Variants in RYR2 observed in about 807,000 individuals in gnomAD.
The protein encoded by RYR2 is cardiac muscle ryanodine receptor-calcium release channel.
A neutral mutation model predicts 601.1 loss-of-function variants in RYR2; 227 were observed. The observed-to-expected ratio is 0.38, with a 90% CI of 0.34 to 0.42. The LOEUF is 0.42. Ranked by LOEUF, RYR2 falls within the 10% of genes least tolerant of loss-of-function variation. The pLI is 1.00. For missense variants in RYR2, 4,646 were observed against 6,156.5 expected (o/e 0.75, Z 8.21); for synonymous variants, 2,223 against 2,175.1 (o/e 1.02, Z -0.61).
intron 12 of RYR2, among the ~76,000 whole-genome samples, chr1:237,438,426 A>G (rs1707599974): frequency 6.6e-6 from 1 of 152,150 alleles, no homozygotes; most frequent in Non-Finnish European, 1.5e-5. Flanking sequence ...TCTGAATTTC[A>G]AGTTTTTTTC....
intron 80 of RYR2, among the ~76,000 whole-genome samples, chr1:237,752,177 G>A (rs1225833882): frequency 6.6e-6 from 1 of 152,132 alleles, no homozygotes; most frequent in African/African-American, 2.4e-5. Flanking sequence ...GATCTTCTAG[G>A]AAACTTCATG....
chr1:237,490,184 G>A (rs115546154), intron 17 of RYR2, among the ~76,000 whole-genome samples: 2 of 152,144 alleles, frequency 1.3e-5, no homozygotes. Flanking sequence ...CTAAGTGGGA[G>A]GAAGGGGGAT....
rs1364773484 is a variant in RYR2, at chr1:237,793,863, G to A, written c.13783-4G>A. ...ATTTTAACGTATTTATTTTTCCTATGTAGGTCCCATTGGTTATTTTTAAGC... is the reference window on the plus strand; with the variant it reads ...ATTTTAACGTATTTATTTTTCCTATATAGGTCCCATTGGTTATTTTTAAGC... On this transcript the variant is annotated splice_region_variant and splice_polypyrimidine_tract_variant and intron_variant, in intron 94 of 104. Coordinates refer to ENST00000366574, the MANE Select transcript of RYR2 (RefSeq NM_001035.3). The A allele has an allele frequency of 5.0e-6, 8 of 1,601,954 alleles. No homozygotes were observed. The Admixed American group carries it at 8.4e-5, about 17-fold the overall frequency.
intron 56 of RYR2, 31 bp downstream of exon 56, chr1:237,660,978 G>A (rs1683730088): frequency 1.5e-6 from 2 of 1,317,340 alleles, no homozygotes; most frequent in Non-Finnish European, 2.0e-6. Flanking sequence ...TGAATCAACT[G>A]TTTATGTTAT....
intron 1 of RYR2, among the ~76,000 whole-genome samples, chr1:237,232,275 C>T (rs189723964): frequency 4.3e-4 from 65 of 152,224 alleles, no homozygotes; most frequent in Admixed American, 3.1e-3. Flanking sequence ...CCCAACACCC[C>T]GGGGAGGGGG....
intron 1 of RYR2, among the ~76,000 whole-genome samples, chr1:237,153,413 T>C (rs530891244): frequency 9.9e-5 from 15 of 152,262 alleles, no homozygotes; most frequent in African/African-American, 3.6e-4. Context: ...CTGTTCTGTG[T>C]GTGTGTGTTT....
At chr1:237,369,687 A>G in intron 6 of RYR2, 79 bp downstream of exon 6, 1 of 1,130,232 alleles carries the variant, frequency 8.8e-7, no homozygotes, top group Non-Finnish European at 1.3e-6. Context: ...TGCTGGTAGC[A>G]TCATTTCTGC....
intron 1 of RYR2, among the ~76,000 whole-genome samples, chr1:237,220,175 G>A (rs1329739792): frequency 1.3e-5 from 2 of 152,166 alleles, no homozygotes; most frequent in African/African-American, 2.4e-5. Flanking sequence ...GAGAGTCAGA[G>A]GACTCTCAAT....
chr1:237,395,826 A>G (rs912176928), intron 10 of RYR2, among the ~76,000 whole-genome samples: 18 of 152,030 alleles, frequency 1.2e-4, no homozygotes, highest in African/African-American at 4.1e-4. Flanking sequence ...GATTACAGGC[A>G]TGAGCCACCA....
intron 4 of RYR2, among the ~76,000 whole-genome samples, chr1:237,358,758 A>G (rs1699521603): frequency 6.6e-6 from 1 of 151,754 alleles, no homozygotes; most frequent in Admixed American, 6.6e-5. Flanking sequence ...CTCAATCTCC[A>G]GGCATAGTAA....
rs1241941471 is a variant in RYR2 at position 237,147,475 on chromosome 1, C to T, written c.48+104906C>T. 4.6e-5 allele frequency among the ~76,000 whole-genome samples: 7 copies of T among 152,150 alleles called. No individual in the cohort carries two copies. In the East Asian group the frequency reaches 1.3e-3, roughly 29 times the overall value. On this transcript the variant is annotated intron_variant, in intron 1 of 104. Coordinates refer to ENST00000366574, the MANE Select transcript of RYR2 (RefSeq NM_001035.3). ...TCTTTTTTCAATCTTTTCCTCTAAACTTGAGCCCCTCACAATTCACGTTCC... is the reference window on the plus strand; with the variant it reads ...TCTTTTTTCAATCTTTTCCTCTAAATTTGAGCCCCTCACAATTCACGTTCC...
intron 23 of RYR2, among the ~76,000 whole-genome samples, chr1:237,507,351 A>T (rs116267650): frequency 0.01 from 1,523 of 152,264 alleles, 29 homozygotes; most frequent in African/African-American, 0.033. Context: ...TTAGTTTACA[A>T]CTTAATACAA....
intron 1 of RYR2, among the ~76,000 whole-genome samples, chr1:237,087,164 T>C (rs1322487781): frequency 6.6e-6 from 1 of 152,188 alleles, no homozygotes; most frequent in Non-Finnish European, 1.5e-5. Context: ...GCTGAATTTC[T>C]TTTCTTCCCT....
chr1:237,042,518 A>G lies in RYR2; in HGVS notation c.-4A>G. The G allele has an allele frequency of 8.0e-7, 1 of 1,254,142 alleles. No homozygotes were observed. The highest frequency in any genetic ancestry group is 1.0e-6 in the Non-Finnish European group (1 of 991,354). The allele number at this position is 1,254,142 out of a possible 1,614,324, so 77.7% of individuals were successfully genotyped here. A position where few individuals can be genotyped will look rare whatever the true frequency, so the allele number is the denominator to read the frequency against. The stretch of plus-strand genomic sequence containing the variant: ...AGCCGGCCCCGGCGAGGAGGCGCGG[A>G]ACCATGGCCGATGGGGGCGAGGGCG... On this transcript the variant is annotated 5_prime_UTR_variant, in exon 1 of 105. Coordinates refer to ENST00000366574, the MANE Select transcript of RYR2 (RefSeq NM_001035.3).
chr1:237,457,711 C>G (rs1442311598), intron 16 of RYR2, among the ~76,000 whole-genome samples: 2 of 152,170 alleles, frequency 1.3e-5, no homozygotes, highest in Admixed American at 1.3e-4. Flanking sequence ...CTTGCATGGC[C>G]TCTTGCTGCA....
intron 1 of RYR2, among the ~76,000 whole-genome samples, chr1:237,214,052 C>T (rs902761671): frequency 4.6e-5 from 7 of 151,180 alleles, no homozygotes; most frequent in African/African-American, 1.7e-4. Flanking sequence ...TCCCAGGTAG[C>T]TGGGACTACA....
At chr1:237,102,390 T>A (rs1016419063) in intron 1 of RYR2, among the ~76,000 whole-genome samples, 2 of 152,128 alleles carry the variant, frequency 1.3e-5, no homozygotes, top group Admixed American at 6.5e-5. Context: ...ACAGCAGCCG[T>A]CCTCTTGTTG....
rs1316779084 is a variant in RYR2, at chr1:237,705,071, G to A, written c.9450-142G>A. 1.6e-5 allele frequency: 11 copies of A among 681,904 alleles called. No individual in the cohort carries two copies. The African/African-American group carries it at 1.8e-4, about 11-fold the overall frequency. 42.2% of individuals were successfully genotyped at this position (681,904 alleles called of 1,614,324 possible). A position where few individuals can be genotyped will look rare whatever the true frequency, so the allele number is the denominator to read the frequency against. ...TGCTATTGAAAGCATATGATGTTTA[G>A]CAATACAGAAATTGGATTTGGGAGT... On this transcript the variant is annotated intron_variant, in intron 66 of 104. Transcript: ENST00000366574.
intron 78 of RYR2, among the ~76,000 whole-genome samples, chr1:237,733,177 G>A (rs1303653636): frequency 6.6e-6 from 1 of 152,126 alleles, no homozygotes; most frequent in Non-Finnish European, 1.5e-5. Context: ...CAAATTTTAG[G>A]TATATTTTTG....
Sources: allele counts gnomAD v4.1 joint callset (sites outside exome capture counted in the v4.1 genomes callset), GRCh38; gene constraint gnomAD v4.1.1; transcripts MANE v1.5; gene names NCBI Gene and HGNC (gene_info 2026-07-23, HGNC 2026-07-21).